CRTAC1: variants seen among roughly 807,000 people sequenced by gnomAD.
CRTAC1 encodes cartilage acidic protein 1.
A neutral mutation model predicts 67.8 loss-of-function variants in CRTAC1; 37 were observed. That is an observed-to-expected ratio of 0.55 (90% CI 0.42 to 0.72). The LOEUF (loss-of-function observed/expected upper bound fraction) is 0.72. CRTAC1 is among the 30% of genes least tolerant of loss of function. CRTAC1 has a pLI of 0.00. For synonymous variants in CRTAC1, 348 were observed against 371.0 expected (o/e 0.94, Z 0.71); for missense variants, 780 against 931.6 (o/e 0.84, Z 2.12).
At chr10:98,006,683 C>T (rs1463056673) in intron 2 of CRTAC1, among the ~76,000 whole-genome samples, 1 of 152,202 alleles carries the variant, frequency 6.6e-6, no homozygotes, top group African/African-American at 2.4e-5. Context: ...TCCAGTCAGA[C>T]ATACTACAAG....
chr10:98,011,391 C>T (rs1027142299), intron 1 of CRTAC1, 54 bp from the exon 2 acceptor site: 16 of 1,605,552 alleles, frequency 1.0e-5, no homozygotes, highest in South Asian at 2.2e-5. Context: ...AAAGCAATCC[C>T]GGAACATTAA....
chr10:98,000,779 G>A (rs887979458), intron 2 of CRTAC1, among the ~76,000 whole-genome samples: 3 of 152,192 alleles, frequency 2.0e-5, no homozygotes, highest in African/African-American at 7.2e-5. Context: ...AAGGAAGAGA[G>A]AAAATCATTG....
intron 1 of CRTAC1, among the ~76,000 whole-genome samples, chr10:98,016,494 G>A (rs1044020604): frequency 1.3e-5 from 2 of 152,158 alleles, no homozygotes; most frequent in Admixed American, 1.3e-4. Context: ...ATTCGGATTT[G>A]GTAGGTGTGG....
intron 3 of CRTAC1, among the ~76,000 whole-genome samples, chr10:97,934,255 A>G (rs2051047028): frequency 6.6e-6 from 1 of 152,234 alleles, no homozygotes; most frequent in Non-Finnish European, 1.5e-5. Flanking sequence ...TGATCAGCCC[A>G]TCAATTAATT....
intron 2 of CRTAC1, 74 bp from the exon 3 acceptor site, chr10:97,936,440 G>T: frequency 2.4e-6 from 3 of 1,263,920 alleles, no homozygotes. Flanking sequence ...CCAGAGCAAC[G>T]GGCTGGGAGT....
chr10:98,013,446 T>G (rs1230332513), intron 1 of CRTAC1, among the ~76,000 whole-genome samples: 1 of 152,246 alleles, frequency 6.6e-6, no homozygotes, highest in Non-Finnish European at 1.5e-5. Context: ...TTACCTTTTC[T>G]TTTAATTAAA....
At chr10:97,923,462 T>C in intron 3 of CRTAC1, 62 bp from the exon 4 acceptor site, 4 of 1,600,096 alleles carry the variant, frequency 2.5e-6, no homozygotes, top group Non-Finnish European at 3.4e-6. Flanking sequence ...TTCTGATCTC[T>C]GGGTATGTCT....
intron 2 of CRTAC1, among the ~76,000 whole-genome samples, chr10:97,964,289 G>A (rs1216874095): frequency 3.3e-5 from 5 of 152,222 alleles, no homozygotes; most frequent in Admixed American, 1.3e-4. Context: ...AAGCATGTGA[G>A]AAATGACAGC....
intron 1 of CRTAC1, among the ~76,000 whole-genome samples, chr10:98,028,131 G>A (rs1464877526): frequency 6.6e-6 from 1 of 152,312 alleles, no homozygotes; most frequent in East Asian, 1.9e-4. Flanking sequence ...CCGAGAGAGG[G>A]TGGGGCTGTG....
At position 97,959,469 on chromosome 10, in the gene CRTAC1, C is replaced by T. The variant is rs1332180653; in HGVS notation, c.225-23103G>A. On this transcript the variant is annotated intron_variant, in intron 2 of 14. Coordinates refer to ENST00000370597, the MANE Select transcript of CRTAC1 (RefSeq NM_018058.7). ...TTCATTCCTTGTCTATAAGGAATAT[C>T]TGAGCTCCTGGCTCATTCCATGGAA... 2.0e-5 allele frequency among the ~76,000 whole-genome samples: 3 copies of T among 152,210 alleles called. No individual in the cohort carries two copies. The East Asian group carries it at 5.8e-4, about 29-fold the overall frequency.
At chr10:97,960,822 A>C (rs1234507514) in intron 2 of CRTAC1, among the ~76,000 whole-genome samples, 2 of 152,252 alleles carry the variant, frequency 1.3e-5, no homozygotes, top group Non-Finnish European at 2.9e-5. Flanking sequence ...GCATCCTGCC[A>C]ATCTACCAGC....
chr10:97,917,975 C>T (rs2050783977), intron 4 of CRTAC1, among the ~76,000 whole-genome samples: 1 of 152,150 alleles, frequency 6.6e-6, no homozygotes, highest in Admixed American at 6.5e-5. Flanking sequence ...TGCCTCCCTC[C>T]AGCTGAGCTC....
intron 7 of CRTAC1, among the ~76,000 whole-genome samples, chr10:97,903,367 C>T (rs571068892): frequency 1.3e-5 from 2 of 150,610 alleles, no homozygotes; most frequent in South Asian, 4.3e-4. Context: ...CAAGATCATC[C>T]CTGTTGAGAA....
At position 97,892,210 on chromosome 10, in the gene CRTAC1, G is replaced by A. The variant is rs181942587; in HGVS notation, c.1486+3035C>T. On this transcript the variant is annotated intron_variant, in intron 11 of 14. Coordinates refer to ENST00000370597, the MANE Select transcript of CRTAC1 (RefSeq NM_018058.7). ...AAAAGCAATCTATTCTCCTGGCAGG[G>A]CAGATTCTGGCCAGAGAAGGGACCA... Among the ~76,000 whole-genome samples, 3 of 152,304 alleles carry A rather than the reference G, an allele frequency of 2.0e-5. No homozygotes were observed. In the East Asian group the frequency reaches 5.8e-4, roughly 29 times the overall value.
Position 97,895,849 on chromosome 10 carries a change from G to C in CRTAC1, c.1317+36C>G, listed in dbSNP as rs2297938. On this transcript the variant is annotated intron_variant, in intron 10 of 14. Transcript: ENST00000370597. The surrounding 1 kb of genome is among the most constrained non-coding windows in gnomAD (Gnocchi z 4.2). ...AACTCAAGGTACCCGAGAGCACACA[G>C]GGCTGGGATCTGTGGCTCCTGAGGT... 0.19 allele frequency: 290,626 copies of C among 1,565,196 alleles called. 27,741 individuals are homozygous for C. The highest frequency in any genetic ancestry group is 0.2 in the Middle Eastern group (1,165 of 5,954).
intron 2 of CRTAC1, among the ~76,000 whole-genome samples, chr10:97,963,778 G>A (rs900410054): frequency 6.6e-6 from 1 of 152,202 alleles, no homozygotes; most frequent in Non-Finnish European, 1.5e-5. Flanking sequence ...TAAACACCAT[G>A]TATTGATATT....
chr10:97,870,703 T>C (rs1331909780), intron 14 of CRTAC1: 1 of 152,004 alleles, frequency 6.6e-6, no homozygotes, highest in East Asian at 1.9e-4. Flanking sequence ...GTAACACATA[T>C]GCCAAACAGA....
At chr10:97,991,099 C>CAAAAAAAAAAAAAAAAAAAAAAAAAAAA (rs757267901) in intron 2 of CRTAC1, among the ~76,000 whole-genome samples, 2 of 17,980 alleles carry the variant, frequency 1.1e-4, no homozygotes, top group Non-Finnish European at 2.4e-4. Flanking sequence ...ACCATCTCTA[C>CAAAAAAAAAAAAAAAAAAAAAAAAAAAA]AAAAAAAAAA....
At chr10:98,017,854 C>T (rs1168550929) in intron 1 of CRTAC1, among the ~76,000 whole-genome samples, 1 of 151,820 alleles carries the variant, frequency 6.6e-6, no homozygotes, top group Non-Finnish European at 1.5e-5. Flanking sequence ...CTTAAAAATG[C>T]TCTATAAGCA....
Sources: allele counts gnomAD v4.1 joint callset (sites outside exome capture counted in the v4.1 genomes callset), GRCh38; gene constraint gnomAD v4.1.1; non-coding constraint Gnocchi (gnomAD v3.1); transcripts MANE v1.5; gene names NCBI Gene and HGNC (gene_info 2026-07-23, HGNC 2026-07-21).